Variants in LPCAT2 observed in about 807,000 individuals in gnomAD.
LPCAT2 encodes 1-AGP acyltransferase 11.
In LPCAT2, 58 loss-of-function variants were observed where a neutral mutation model predicts 64.7. The ratio of observed to expected loss-of-function variants is 0.90; its 90% CI spans 0.73 to 1.12. The LOEUF (loss-of-function observed/expected upper bound fraction) is 1.12. Among genes scored for constraint, LPCAT2 ranks in the 50% most tolerant of loss-of-function variants. The pLI, the probability that LPCAT2 is intolerant of heterozygous loss-of-function variation, is 0.00. For synonymous variants in LPCAT2, 252 were observed against 245.3 expected (o/e 1.03, Z -0.26); for missense variants, 579 against 669.8 (o/e 0.86, Z 1.50).
rs188298452 is a variant in LPCAT2, at chr16:55,548,809, C to G, written c.936-468C>G. On this transcript the variant is annotated intron_variant, in intron 9 of 13. Coordinates refer to ENST00000262134, the MANE Select transcript of LPCAT2 (RefSeq NM_017839.5). Reference sequence around the variant, plus strand: ...GATTACAGGTGTGAGGCACTGTGTTCGGCTCCATTTATCTGTTTAAACAGT... The same window carrying G: ...GATTACAGGTGTGAGGCACTGTGTTGGGCTCCATTTATCTGTTTAAACAGT... Among the ~76,000 whole-genome samples, 337 of 152,192 alleles carry G rather than the reference C, an allele frequency of 2.2e-3. 4 individuals carry two copies. Among genetic ancestry groups the G allele is most frequent in the African/African-American group, 7.8e-3 (325 of 41,532 alleles).
At chr16:55,567,367 T>C (rs567078741) in intron 11 of LPCAT2, 17 of 1,613,766 alleles carry the variant, frequency 1.1e-5, no homozygotes, top group Middle Eastern at 1.7e-4. Flanking sequence ...GATGGAGATA[T>C]GGATTTTAAC....
chr16:55,543,265 C>T (rs540604543), intron 8 of LPCAT2, among the ~76,000 whole-genome samples: 3 of 152,158 alleles, frequency 2.0e-5, no homozygotes, highest in South Asian at 2.1e-4. Context: ...TAAGATGTCA[C>T]GCCAATATGA....
rs1302273808 is a variant in LPCAT2 at position 55,545,740 on chromosome 16, G to GCCA, written c.859_861dup (p.Pro287dup). 2 of 1,609,698 alleles carry GCCA rather than the reference G, an allele frequency of 1.2e-6. No individual in the cohort carries two copies. Among genetic ancestry groups the GCCA allele is most frequent in the Non-Finnish European group, 1.7e-6 (2 of 1,177,448 alleles). On this transcript the variant is annotated inframe_insertion, in exon 9 of 14. Transcript: ENST00000262134. ...AAGGTATATTTGTCTTTCAGTTTAT[G>GCCA]CCAGTTCAAGTACCAAATGATGAAG... is the stretch of plus-strand genomic sequence containing the variant.
At chr16:55,536,339 A>T (rs1222538128) in intron 7 of LPCAT2, among the ~76,000 whole-genome samples, 1 of 152,186 alleles carries the variant, frequency 6.6e-6, no homozygotes, top group Admixed American at 6.5e-5. Context: ...ATGAGATTTT[A>T]TGTGTGGTTT....
chr16:55,563,152 C>T (rs1963655174), intron 11 of LPCAT2, among the ~76,000 whole-genome samples: 2 of 151,750 alleles, frequency 1.3e-5, no homozygotes, highest in South Asian at 4.1e-4. Flanking sequence ...CAAATTCCTA[C>T]ACAACCTACC....
At position 55,574,066 on chromosome 16, in the gene LPCAT2, G is replaced by T. The variant is rs951815854; in HGVS notation, c.1216-565G>T. 1.2e-4 allele frequency among the ~76,000 whole-genome samples: 19 copies of T among 152,202 alleles called. No homozygotes were observed. The Middle Eastern group carries it at 0.01, about 82-fold the overall frequency. On this transcript the variant is annotated intron_variant, in intron 11 of 13. Transcript: ENST00000262134. ...GGCTTAGAAGTGTAAGATCTTCTGG[G>T]GTGATGTCCCCCAGGGCTATTAAAG...
At chr16:55,554,902 A>C (rs1252996994) in intron 11 of LPCAT2, among the ~76,000 whole-genome samples, 2 of 152,192 alleles carry the variant, frequency 1.3e-5, no homozygotes, top group Admixed American at 6.5e-5. Flanking sequence ...AAGACTGGGA[A>C]TGGCCAGTCA....
At position 55,583,246 on chromosome 16, in the gene LPCAT2, T is replaced by G. The variant is rs1963907572; in HGVS notation, c.*148T>G. Reference sequence around the variant, plus strand: ...TGATAGATTTTCTTACTAAAAATGTTTTTATTAACCTTGCTTTTATTGGAA... The same window carrying G: ...TGATAGATTTTCTTACTAAAAATGTGTTTATTAACCTTGCTTTTATTGGAA... On this transcript the variant is annotated 3_prime_UTR_variant, in exon 14 of 14. Coordinates refer to ENST00000262134, the MANE Select transcript of LPCAT2 (RefSeq NM_017839.5). 1.0e-5 allele frequency: 7 copies of G among 675,864 alleles called. No individual in the cohort carries two copies. The highest frequency in any genetic ancestry group is 1.6e-5 in the Non-Finnish European group (7 of 429,006). The allele number at this position is 675,864 out of a possible 1,614,324, so 41.9% of individuals were successfully genotyped here. A position where few individuals can be genotyped will look rare whatever the true frequency, so the allele number is the denominator to read the frequency against.
intron 9 of LPCAT2, among the ~76,000 whole-genome samples, chr16:55,548,120 A>G (rs1963475303): frequency 1.3e-5 from 2 of 152,228 alleles, no homozygotes; most frequent in Admixed American, 6.5e-5. Flanking sequence ...TGTTTCTAGC[A>G]ATGATTCAAC....
rs1963908694 is a variant in LPCAT2 at position 55,583,333 on chromosome 16, G to A, written c.*235G>A. On this transcript the variant is annotated 3_prime_UTR_variant, in exon 14 of 14. Coordinates refer to ENST00000262134, the MANE Select transcript of LPCAT2 (RefSeq NM_017839.5). ...TTGTACTTTACTGATTCATTTACTGGTGATACATATGTTTTTATGGATTTT... is the reference window on the plus strand; with the variant it reads ...TTGTACTTTACTGATTCATTTACTGATGATACATATGTTTTTATGGATTTT... 5.3e-6 allele frequency: 2 copies of A among 376,578 alleles called. No individual in the cohort carries two copies. Among genetic ancestry groups the A allele is most frequent in the South Asian group, 4.9e-5 (1 of 20,520 alleles). 23.3% of individuals were successfully genotyped at this position (376,578 alleles called of 1,614,324 possible).
intron 9 of LPCAT2, among the ~76,000 whole-genome samples, 192 bp from the exon 10 acceptor site, chr16:55,549,085 C>T (rs1433450251): frequency 1.3e-5 from 2 of 152,256 alleles, no homozygotes; most frequent in East Asian, 1.9e-4. Flanking sequence ...AGGAGATTAA[C>T]TTGATCCTTA....
intron 2 of LPCAT2, among the ~76,000 whole-genome samples, 154 bp from the exon 3 acceptor site, chr16:55,528,223 A>G (rs978749358): frequency 3.3e-5 from 5 of 152,210 alleles, no homozygotes; most frequent in Non-Finnish European, 7.3e-5. Flanking sequence ...TGGCAGAAAC[A>G]GCTCCATGTA....
intron 11 of LPCAT2, among the ~76,000 whole-genome samples, chr16:55,572,833 T>TA (rs1414055839): frequency 6.6e-6 from 1 of 152,012 alleles, no homozygotes; most frequent in African/African-American, 2.4e-5. Flanking sequence ...AGCATATCTT[T>TA]AAAAAAACCA....
chr16:55,569,764 C>G (rs1201301672), intron 11 of LPCAT2, among the ~76,000 whole-genome samples: 1 of 152,128 alleles, frequency 6.6e-6, no homozygotes, highest in Non-Finnish European at 1.5e-5. Context: ...AGAGTGGATA[C>G]TAGAACTAAA....
intron 12 of LPCAT2, among the ~76,000 whole-genome samples, chr16:55,576,437 A>G (rs1398758849): frequency 2.0e-5 from 3 of 151,874 alleles, no homozygotes; most frequent in African/African-American, 4.9e-5. Flanking sequence ...TTCATTTGCA[A>G]GCAATAAGAT....
intron 11 of LPCAT2, among the ~76,000 whole-genome samples, chr16:55,553,126 T>C (rs1469416382): frequency 2.6e-5 from 4 of 152,010 alleles, no homozygotes; most frequent in Non-Finnish European, 4.4e-5. Flanking sequence ...TAATCCCAGC[T>C]ACCTGGGAGG....
intron 11 of LPCAT2, chr16:55,551,320 A>AATATCATATC (rs112743313): frequency 1.0e-4 from 13 of 129,958 alleles, no homozygotes; most frequent in African/African-American, 3.5e-4. Context: ...TATATAATAA[A>AATATCATATC]ATATCATATC....
At chr16:55,511,193 A>G (rs1045619537) in intron 1 of LPCAT2, among the ~76,000 whole-genome samples, 2 of 152,218 alleles carry the variant, frequency 1.3e-5, no homozygotes, top group Non-Finnish European at 2.9e-5. Context: ...GATAATATTG[A>G]TAGTTATCCT....
chr16:55,541,666 C>T (rs1963398551), intron 8 of LPCAT2: 1 of 274,296 alleles, frequency 3.6e-6, no homozygotes, highest in Non-Finnish European at 7.2e-6. Context: ...CTGTTACTAC[C>T]TACCTGTATG....
Sources: gnomAD v4.1 joint callset for allele counts (sites outside exome capture counted in the v4.1 genomes callset) on GRCh38, gnomAD v4.1.1 for gene constraint, MANE v1.5 for transcripts, NCBI Gene and HGNC (gene_info 2026-07-23, HGNC 2026-07-21) for gene names.